SLC37A1: variants seen among roughly 807,000 people sequenced by gnomAD.
SLC37A1 encodes the protein solute carrier family 37 member 1, also known as glucose-6-phosphate exchanger SLC37A1.
In SLC37A1, 49 loss-of-function variants were observed where a neutral mutation model predicts 75.3. The observed-to-expected ratio is 0.65, with a 90% CI of 0.52 to 0.83. SLC37A1 has a LOEUF of 0.83. Among genes scored for constraint, SLC37A1 ranks in the 40% least tolerant of loss-of-function variants. The probability of loss-of-function intolerance (pLI) is 0.00; values close to 1 mark genes in which losing one functional copy is unlikely to be tolerated. For missense variants in SLC37A1, 566 were observed against 695.0 expected (o/e 0.81, Z 2.09); for synonymous variants, 268 against 292.1 (o/e 0.92, Z 0.84).
At chr21:42,507,871 C>T (rs1271124674) in intron 2 of SLC37A1, among the ~76,000 whole-genome samples, 1 of 152,132 alleles carries the variant, frequency 6.6e-6, no homozygotes, top group Admixed American at 6.5e-5. Context: ...CAGACACCTC[C>T]CACTAGGTCC....
chr21:42,578,245 A>C (rs1486532959), intron 18 of SLC37A1, among the ~76,000 whole-genome samples: 1 of 152,212 alleles, frequency 6.6e-6, no homozygotes, highest in Non-Finnish European at 1.5e-5. Context: ...CGAAGGCCTC[A>C]GGTCTCCAGT....
intron 14 of SLC37A1, among the ~76,000 whole-genome samples, chr21:42,565,196 C>A (rs1000785532): frequency 6.6e-6 from 1 of 152,262 alleles, no homozygotes; most frequent in Non-Finnish European, 1.5e-5. Flanking sequence ...GTGACACCCC[C>A]CTCTATGCCC....
chr21:42,570,132 T>C (rs9982771), intron 17 of SLC37A1, among the ~76,000 whole-genome samples: 1,269 of 50,286 alleles, frequency 0.025, 161 homozygotes, highest in African/African-American at 0.036. Flanking sequence ...TGTTGCCATG[T>C]GACACACGGC....
Position 42,562,129 on chromosome 21 carries a change from A to G in SLC37A1, c.1033A>G (p.Thr345Ala). 1 of 1,614,178 alleles carries G rather than the reference A, an allele frequency of 6.2e-7. No homozygotes were observed. The highest frequency in any genetic ancestry group is 1.1e-5 in the South Asian group (1 of 91,082). ...GCTGTTTGCCAAGCTGGTCAGCTATACTTTCCTCTTCTGGCTGCCCCTGTA... is the reference window on the plus strand; with the variant it reads ...GCTGTTTGCCAAGCTGGTCAGCTATGCTTTCCTCTTCTGGCTGCCCCTGTA... ...CLLFAKLVSY[T>A]FLFWLPLYIT... Residue 345 changes from threonine (T) to alanine (A), a missense_variant, in exon 12 of 20, where the codon ACT (threonine) becomes GCT (alanine). Thr to Ala is a moderately conservative substitution (Grantham distance 58). Coordinates refer to ENST00000352133, the MANE Select transcript of SLC37A1 (RefSeq NM_001320537.2).
intron 10 of SLC37A1, among the ~76,000 whole-genome samples, chr21:42,558,430 A>G (rs2055744502): frequency 6.6e-6 from 1 of 152,254 alleles, no homozygotes; most frequent in Non-Finnish European, 1.5e-5. Context: ...ACTCGCTGAC[A>G]ACCATTGTTG....
chr21:42,559,995 G>T (rs970750691), intron 11 of SLC37A1, among the ~76,000 whole-genome samples: 1 of 152,054 alleles, frequency 6.6e-6, no homozygotes, highest in African/African-American at 2.4e-5. Flanking sequence ...AGGGAAGAAC[G>T]AGTAGCACAG....
intron 3 of SLC37A1, among the ~76,000 whole-genome samples, chr21:42,534,177 C>A (rs1053318131): frequency 3.9e-5 from 6 of 152,180 alleles, no homozygotes; most frequent in African/African-American, 1.4e-4. Flanking sequence ...CATGCTTGGA[C>A]TTCCTATGAG....
Position 42,543,471 on chromosome 21 carries a change from C to A in SLC37A1, c.599C>A (p.Thr200Asn). 6.2e-7 allele frequency: 1 copy of A among 1,614,194 alleles called. No individual in the cohort carries two copies. The highest frequency in any genetic ancestry group is 8.5e-7 in the Non-Finnish European group (1 of 1,180,034). ...GLIMGVWNSHTSVGNILGSLI... is the reference protein window; with the variant it reads ...GLIMGVWNSHNSVGNILGSLI... ...ATTATGGGGGTCTGGAACTCCCACA[C>A]CTCCGTGGGCAACATCTTGGGGTCA... is the stretch of plus-strand genomic sequence containing the variant. The change falls in exon 8 of 20, where the codon ACC (threonine) becomes AAC (asparagine). Residue 200 changes from threonine to asparagine, a missense_variant. Thr to Asn is a moderately conservative substitution (Grantham distance 65). Coordinates refer to ENST00000352133, the MANE Select transcript of SLC37A1 (RefSeq NM_001320537.2).
In SLC37A1 at chr21:42,580,371, C is replaced by G. The variant is rs754972392; in HGVS notation, c.*11C>G. 6.2e-7 allele frequency: 1 copy of G among 1,613,134 alleles called. No individual in the cohort carries two copies. The highest frequency in any genetic ancestry group is 8.5e-7 in the Non-Finnish European group (1 of 1,179,752). On this transcript the variant is annotated 3_prime_UTR_variant, in exon 20 of 20. Coordinates refer to ENST00000352133, the MANE Select transcript of SLC37A1 (RefSeq NM_001320537.2). ...TTTAAGGAACAGTGACACCCCACCC[C>G]AGTCCCGTGGAGGGGGTCTGGGCCC...
intron 10 of SLC37A1, among the ~76,000 whole-genome samples, chr21:42,556,171 C>T (rs901820502): frequency 2.6e-5 from 4 of 152,212 alleles, no homozygotes; most frequent in East Asian, 1.9e-4. Flanking sequence ...CACTTGGCCA[C>T]GTGGCGAGCC....
At position 42,533,616 on chromosome 21, in the gene SLC37A1, A is replaced by G. The variant is rs1000926878; in HGVS notation, c.139-1082A>G. On this transcript the variant is annotated intron_variant, in intron 3 of 19. Transcript: ENST00000352133. ...CCCACTCAGGCCCCTCTGCCTCCCA[A>G]CAAGAAGCACCCACTCAGGCCCCTC... 2.7e-5 allele frequency among the ~76,000 whole-genome samples: 4 copies of G among 150,550 alleles called. No homozygotes were observed. In the East Asian group the frequency reaches 5.8e-4, roughly 22 times the overall value.
chr21:42,526,334 C>G (rs1484353746), intron 3 of SLC37A1, among the ~76,000 whole-genome samples: 5 of 152,188 alleles, frequency 3.3e-5, no homozygotes, highest in African/African-American at 9.7e-5. Context: ...TTAAAGCAGA[C>G]AAGCCTACAT....
In SLC37A1 at chr21:42,552,581, G is replaced by T. The variant is rs1178854517; in HGVS notation, c.769-1481G>T. Among the ~76,000 whole-genome samples, 1 of 152,228 alleles carries T rather than the reference G, an allele frequency of 6.6e-6. No individual in the cohort carries two copies. ...ATAATTATTTGTTGAATGAGTGAAT[G>T]AATGATTGGTCAGTGGCTGCTGGAG... On this transcript the variant is annotated intron_variant, in intron 9 of 19. Coordinates refer to ENST00000352133, the MANE Select transcript of SLC37A1 (RefSeq NM_001320537.2). The surrounding 1 kb of genome is among the most constrained non-coding windows in gnomAD (Gnocchi z 4.2).
At chr21:42,508,398 G>A (rs2054404377) in intron 2 of SLC37A1, among the ~76,000 whole-genome samples, 1 of 152,000 alleles carries the variant, frequency 6.6e-6, no homozygotes, top group Admixed American at 6.6e-5. Flanking sequence ...CAGAGTGCTG[G>A]GATTACAGGC....
intron 2 of SLC37A1, among the ~76,000 whole-genome samples, chr21:42,505,677 G>A (rs1030972589): frequency 6.6e-6 from 1 of 152,174 alleles, no homozygotes; most frequent in African/African-American, 2.4e-5. Flanking sequence ...CAAGGCTACT[G>A]GTATGTGCAA....
rs140420864 is a variant in SLC37A1 at position 42,559,080 on chromosome 21, G to T, written c.972G>T (p.Leu324Phe). ...GTAAISFTGA[L>F]KIPGVIEFSL... ...CCGCCATCAGCTTCACAGGGGCCTT[G>T]AAAATTCCAGTAAGTAAACGTGCCC... The change falls in exon 11 of 20, where the codon TTG becomes TTT. Residue 324 changes from leucine to phenylalanine, a missense_variant. Coordinates refer to ENST00000352133, the MANE Select transcript of SLC37A1 (RefSeq NM_001320537.2). 1.2e-6 allele frequency: 2 copies of T among 1,610,782 alleles called. No homozygotes were observed. Among genetic ancestry groups the T allele is most frequent in the East Asian group, 4.5e-5 (2 of 44,620 alleles).
intron 3 of SLC37A1, among the ~76,000 whole-genome samples, chr21:42,527,437 C>T (rs929243633): frequency 1.3e-5 from 2 of 152,176 alleles, no homozygotes; most frequent in Non-Finnish European, 2.9e-5. Flanking sequence ...CCAGGCCACT[C>T]AAGACTTAGG....
chr21:42,579,755 A>C lies in SLC37A1; in HGVS notation c.1541A>C (p.His514Pro). The change falls in exon 19 of 20, where the codon CAC becomes CCC. Residue 514 changes from histidine (H) to proline (P), a missense_variant. Coordinates refer to ENST00000352133, the MANE Select transcript of SLC37A1 (RefSeq NM_001320537.2). ...CALLFLIRLI[H>P]KELSCPGSAT... is the part of the protein sequence containing the mutation. ...GTGCAGTTCCTGATCCGCCTCATAC[A>C]CAAGGAGCTGAGCTGCCCAGGGTCA... The C allele has an allele frequency of 1.2e-6, 2 of 1,614,138 alleles. No individual in the cohort carries two copies. Among genetic ancestry groups the C allele is most frequent in the Non-Finnish European group, 1.7e-6 (2 of 1,180,018 alleles).
At chr21:42,538,065 A>G (rs1259070203) in intron 5 of SLC37A1, among the ~76,000 whole-genome samples, 1 of 152,226 alleles carries the variant, frequency 6.6e-6, no homozygotes, top group Non-Finnish European at 1.5e-5. Flanking sequence ...AAAATTTTTC[A>G]GTAGAGATCA....
Sources: allele counts gnomAD v4.1 joint callset (sites outside exome capture counted in the v4.1 genomes callset), GRCh38; gene constraint gnomAD v4.1.1; non-coding constraint Gnocchi (gnomAD v3.1); transcripts MANE v1.5; gene names NCBI Gene and HGNC (gene_info 2026-07-23, HGNC 2026-07-21).